Variants in MLLT10 observed in about 807,000 individuals in gnomAD.
The protein encoded by MLLT10 is MLLT10 histone lysine methyltransferase DOT1L cofactor.
A neutral mutation model predicts 129.1 loss-of-function variants in MLLT10; 30 were observed. The ratio of observed to expected loss-of-function variants is 0.23; its 90% CI spans 0.17 to 0.32. MLLT10 has a LOEUF of 0.32. MLLT10 is among the 10% of genes least tolerant of loss of function. MLLT10 has a pLI of 1.00. For missense variants in MLLT10, 1,119 were observed against 1,268.3 expected, an observed-to-expected ratio of 0.88 and a Z score of 1.79; for synonymous variants, 490 against 446.4, an observed-to-expected ratio of 1.10 and a Z score of -1.23.
In MLLT10 at chr10:21,741,922, C is replaced by CT; in HGVS notation, c.3163-13dup. The stretch of plus-strand genomic sequence containing the variant: ...AGTTGATTTAGCTAACGCATCTGCT[C>CT]TTTTGTTTACCTGCAGAGACTTAGT... On this transcript the variant is annotated splice_polypyrimidine_tract_variant and intron_variant, in intron 22 of 22. Coordinates refer to ENST00000307729, the MANE Select transcript of MLLT10 (RefSeq NM_001195626.3). 6.2e-7 allele frequency: 1 copy of CT among 1,609,450 alleles called. No individual in the cohort carries two copies. Among genetic ancestry groups the CT allele is most frequent in the Non-Finnish European group, 8.5e-7 (1 of 1,178,768 alleles).
intron 7 of MLLT10, among the ~76,000 whole-genome samples, chr10:21,616,214 T>C (rs1469128545): frequency 2.0e-5 from 3 of 152,128 alleles, no homozygotes; most frequent in Non-Finnish European, 4.4e-5. Context: ...AATAAGCATA[T>C]TGAAATACTC....
chr10:21,628,900 C>T (rs2046739715), intron 8 of MLLT10, among the ~76,000 whole-genome samples: 1 of 151,842 alleles, frequency 6.6e-6, no homozygotes. Context: ...AGGTGTGTGC[C>T]ACCATGCCCG....
Position 21,733,875 on chromosome 10 carries a change from G to T in MLLT10, c.2604G>T (p.Gln868His). The change falls in exon 20 of 23, where the codon CAG (glutamine) becomes CAT (histidine). Residue 868 changes from glutamine to histidine, a missense_variant. Gln to His is a conservative substitution (Grantham distance 24). Around this residue, in one of 5 missense-constraint regions of MLLT10, gnomAD observed 1,004 missense variants for 1,008.7 expected, o/e 1.00. Transcript: ENST00000307729. The stretch of plus-strand genomic sequence containing the variant: ...AAGGCTCAGGAGTGAGTGGAGTTCA[G>T]CAGGTCAATGGCGTGACAGTGGGGG... ...AQQGSGVSGV[Q>H]QVNGVTVGAL... The T allele has an allele frequency of 6.2e-7, 1 of 1,614,166 alleles. No homozygotes were observed. Among genetic ancestry groups the T allele is most frequent in the Non-Finnish European group, 8.5e-7 (1 of 1,180,022 alleles).
intron 2 of MLLT10, among the ~76,000 whole-genome samples, chr10:21,537,732 G>A (rs1485109785): frequency 6.6e-6 from 1 of 152,126 alleles, no homozygotes; most frequent in Non-Finnish European, 1.5e-5. Flanking sequence ...GCCTGCCAAA[G>A]TGCTGGGATT....
intron 16 of MLLT10, among the ~76,000 whole-genome samples, chr10:21,729,827 G>A (rs1426376883): frequency 2.0e-5 from 3 of 152,124 alleles, no homozygotes; most frequent in South Asian, 2.1e-4. Context: ...GCTGGAGACC[G>A]GAAATGGCCA....
At chr10:21,713,270 G>C (rs1317655684) in intron 13 of MLLT10, among the ~76,000 whole-genome samples, 1 of 152,136 alleles carries the variant, frequency 6.6e-6, no homozygotes, top group African/African-American at 2.4e-5. Context: ...AATGTCATCA[G>C]CTCCTCTTTT....
At chr10:21,681,228 C>T in intron 11 of MLLT10, 104 bp from the exon 12 acceptor site, 2 of 1,463,246 alleles carry the variant, frequency 1.4e-6, no homozygotes, top group Non-Finnish European at 1.9e-6. Flanking sequence ...TACTTAACTA[C>T]ACTTTTAGGT....
chr10:21,544,283 G>C (rs1035862471), intron 3 of MLLT10, among the ~76,000 whole-genome samples: 5 of 152,154 alleles, frequency 3.3e-5, no homozygotes, highest in African/African-American at 1.2e-4. Context: ...TGTCTCAAAA[G>C]CGAGTAAATT....
At chr10:21,544,146 G>A (rs2035692602) in intron 3 of MLLT10, among the ~76,000 whole-genome samples, 1 of 152,174 alleles carries the variant, frequency 6.6e-6, no homozygotes, top group African/African-American at 2.4e-5. Context: ...AGTTTTAAGA[G>A]AGATAGATGT....
intron 13 of MLLT10, among the ~76,000 whole-genome samples, chr10:21,702,693 G>T (rs894491488): frequency 4.0e-5 from 6 of 149,114 alleles, no homozygotes; most frequent in African/African-American, 1.5e-4. Flanking sequence ...CTTTTTTACA[G>T]TTTTTTTTTT....
At chr10:21,576,523 G>A (rs554473229) in intron 3 of MLLT10, among the ~76,000 whole-genome samples, 74 of 152,190 alleles carry the variant, frequency 4.9e-4, no homozygotes, top group Non-Finnish European at 9.3e-4. Context: ...ACAGGTGTGA[G>A]CCACCGTGCC....
chr10:21,546,629 G>A (rs565344283), intron 3 of MLLT10, among the ~76,000 whole-genome samples: 138 of 150,406 alleles, frequency 9.2e-4, no homozygotes, highest in Non-Finnish European at 1.4e-3. Flanking sequence ...GTGCAGTGGC[G>A]CAGTCTCAGC....
intron 3 of MLLT10, among the ~76,000 whole-genome samples, chr10:21,561,542 A>G (rs1186865152): frequency 2.0e-5 from 3 of 152,022 alleles, no homozygotes; most frequent in East Asian, 3.9e-4. Context: ...TACAGGCGTG[A>G]GCCACTGCAC....
At position 21,717,417 on chromosome 10, in the gene MLLT10, T is replaced by C. The variant is rs541167049; in HGVS notation, c.1878+3467T>C. Among the ~76,000 whole-genome samples the C allele has an allele frequency of 7.1e-5, 10 of 140,578 alleles. No homozygotes were observed. The East Asian group carries it at 8.6e-4, about 12-fold the overall frequency. 92.2% of individuals were successfully genotyped at this position (140,578 alleles called of 152,430 possible). The stretch of plus-strand genomic sequence containing the variant: ...GGCGGGTGGGGGGTGGGGAGGGGAG[T>C]CTGATAGCAGCATACATTTTGGGGA... On this transcript the variant is annotated intron_variant, in intron 14 of 22. Coordinates refer to ENST00000307729, the MANE Select transcript of MLLT10 (RefSeq NM_001195626.3).
At position 21,673,832 on chromosome 10, in the gene MLLT10, A is replaced by T. The variant is rs144250168; in HGVS notation, c.1534A>T (p.Thr512Ser). 1 of 1,614,046 alleles carries T rather than the reference A, an allele frequency of 6.2e-7. No homozygotes were observed. The highest frequency in any genetic ancestry group is 8.5e-7 in the Non-Finnish European group (1 of 1,180,020). The change falls in exon 11 of 23, where the codon ACA becomes TCA. Residue 512 changes from threonine (T) to serine (S), a missense_variant. Coordinates refer to ENST00000307729, the MANE Select transcript of MLLT10 (RefSeq NM_001195626.3). ...TGTAGCATCAGCTGCAGGAAGCATA[A>T]CAAGCTCTAGTCTGCAGAAATCTCC... ...SSVASAAGSI[T>S]SSSLQKSPTL...
At position 21,733,579 on chromosome 10, in the gene MLLT10, C is replaced by G. The variant is rs770873321; in HGVS notation, c.2483C>G (p.Pro828Arg). ...AGCTTTTTACCTGATAATTCTCTTC[C>G]TGTATTAAATCAGGTAATTTTTGTA... Reference protein sequence around the residue: ...GNSFLPDNSLPVLNQDLTSSG... With the variant: ...GNSFLPDNSLRVLNQDLTSSG... The change falls in exon 19 of 23, where the codon CCT becomes CGT. Residue 828 changes from proline (P) to arginine (R), a missense_variant. This residue lies in a region of MLLT10 where 1,004 missense variants were observed against 1,008.7 expected (regional missense o/e 1.00). Coordinates refer to ENST00000307729, the MANE Select transcript of MLLT10 (RefSeq NM_001195626.3). The G allele has an allele frequency of 1.3e-6, 2 of 1,564,376 alleles. No homozygotes were observed. Among genetic ancestry groups the G allele is most frequent in the Non-Finnish European group, 1.7e-6 (2 of 1,158,398 alleles).
intron 13 of MLLT10, among the ~76,000 whole-genome samples, chr10:21,709,811 C>T (rs982869317): frequency 6.6e-6 from 1 of 152,018 alleles, no homozygotes; most frequent in Admixed American, 6.6e-5. Flanking sequence ...GGCACAATCT[C>T]GGCTCAATCT....
chr10:21,701,501 A>G (rs1298102640), intron 13 of MLLT10, among the ~76,000 whole-genome samples: 1 of 151,898 alleles, frequency 6.6e-6, no homozygotes, highest in Non-Finnish European at 1.5e-5. Context: ...AGGTTTTGGC[A>G]TGTTGCGTTT....
intron 8 of MLLT10, among the ~76,000 whole-genome samples, chr10:21,620,028 C>T (rs1036321225): frequency 6.0e-5 from 9 of 151,136 alleles, no homozygotes; most frequent in African/African-American, 2.2e-4. Context: ...CTCCCGGGTT[C>T]AAGCGATTCT....
Sources: gnomAD v4.1 joint callset for allele counts (sites outside exome capture counted in the v4.1 genomes callset) on GRCh38, gnomAD v4.1.1 for gene constraint, gnomAD v4.1.1 regional missense constraint, MANE v1.5 for transcripts, NCBI Gene and HGNC (gene_info 2026-07-23, HGNC 2026-07-21) for gene names.